Variants in IL18R1 observed in about 807,000 individuals in gnomAD.
IL18R1 encodes interleukin-18 receptor 1.
Under a neutral mutation model 48.5 loss-of-function variants are expected in IL18R1, and 40 were observed. The observed-to-expected ratio is 0.82, with a 90% CI of 0.64 to 1.07. IL18R1 has a LOEUF of 1.07. IL18R1 is among the 50% of genes least tolerant of loss of function. IL18R1 has a pLI of 0.00. For missense variants in IL18R1, 596 were observed against 633.7 expected, an observed-to-expected ratio of 0.94 and a Z score of 0.64; for synonymous variants, 232 against 225.9, an observed-to-expected ratio of 1.03 and a Z score of -0.24.
chr2:102,389,069 C>T (rs989779396), intron 8 of IL18R1, among the ~76,000 whole-genome samples: 1 of 152,040 alleles, frequency 6.6e-6, no homozygotes. Flanking sequence ...CAAGGTTACA[C>T]ATTTATATAA....
At position 102,367,950 on chromosome 2, in the gene IL18R1, T is replaced by C; in HGVS notation, c.184T>C (p.Ser62Pro). 1 of 1,614,240 alleles carries C rather than the reference T, an allele frequency of 6.2e-7. No homozygotes were observed. The highest frequency in any genetic ancestry group is 8.5e-7 in the Non-Finnish European group (1 of 1,180,044). ...CAAAAGCTGGTACAAAAGCAGTGGA[T>C]CACAGGAACATGTGGAGCTGAACCC... ...TTKSWYKSSG[S>P]QEHVELNPRS... The change falls in exon 3 of 11, where the codon TCA becomes CCA. Residue 62 changes from serine (S) to proline (P), a missense_variant. Physicochemically the swap from Ser to Pro is moderately conservative, Grantham distance 74. This residue lies in a region of IL18R1 where 360 missense variants were observed against 339.4 expected (regional missense o/e 1.06). Coordinates refer to ENST00000233957, the MANE Select transcript of IL18R1 (RefSeq NM_003855.5).
At chr2:102,392,807 A>G (rs1296818610) in intron 9 of IL18R1, among the ~76,000 whole-genome samples, 5 of 151,614 alleles carry the variant, frequency 3.3e-5, no homozygotes, top group Non-Finnish European at 2.9e-5. Context: ...TTTCCTTTAT[A>G]ATTTTCCTTT....
chr2:102,392,105 AAC>A (rs1384652887), intron 9 of IL18R1, among the ~76,000 whole-genome samples: 11 of 152,344 alleles, frequency 7.2e-5, no homozygotes, highest in African/African-American at 2.6e-4. Flanking sequence ...TCATAAGCAA[AAC>A]AGCCTTCTTA....
rs914822968 is a variant in IL18R1 at position 102,381,791 on chromosome 2, T to G, written c.688+109T>G. ...AATGACACTGGATACACATTTCATATTTACTGAATAACATTACAAAACTAA... is the reference window on the plus strand; with the variant it reads ...AATGACACTGGATACACATTTCATAGTTACTGAATAACATTACAAAACTAA... On this transcript the variant is annotated intron_variant, in intron 6 of 10. Coordinates refer to ENST00000233957, the MANE Select transcript of IL18R1 (RefSeq NM_003855.5). The G allele has an allele frequency of 2.5e-5, 19 of 745,276 alleles. No individual in the cohort carries two copies. The Admixed American group carries it at 4.5e-4, about 18-fold the overall frequency. The allele number at this position is 745,276 out of a possible 1,614,324, so 46.2% of individuals were successfully genotyped here.
chr2:102,369,172 G>T (rs1359241120), intron 3 of IL18R1, among the ~76,000 whole-genome samples: 1 of 105,726 alleles, frequency 9.5e-6, no homozygotes, highest in Admixed American at 8.6e-5. Context: ...AAAGGAAAAA[G>T]AACAACAAAC....
At position 102,397,410 on chromosome 2, in the gene IL18R1, GC is replaced by G. The variant is rs1351369678; in HGVS notation, c.*525del. ...GGGGCTGGCAGGGCCGCCTTCAGAG[GC>G]TGCAGGGCCTCAGCCTCAGGATGCA... On this transcript the variant is annotated 3_prime_UTR_variant, in exon 11 of 11. Transcript: ENST00000233957. 2 of 153,178 alleles carry G rather than the reference GC, an allele frequency of 1.3e-5. No homozygotes were observed. The highest frequency in any genetic ancestry group is 4.8e-5 in the African/African-American group (2 of 41,466). 9.5% of individuals were successfully genotyped at this position (153,178 alleles called of 1,614,324 possible).
At chr2:102,357,568 G>C (rs1444748585) in intron 1 of IL18R1, among the ~76,000 whole-genome samples, 3 of 152,164 alleles carry the variant, frequency 2.0e-5, no homozygotes, top group Non-Finnish European at 4.4e-5. Flanking sequence ...GCTAGTCCAG[G>C]AGTGATGGAA....
At chr2:102,390,949 A>AAAAAAAAAAAAAAAG (rs1452152750) in intron 9 of IL18R1, among the ~76,000 whole-genome samples, 1 of 150,866 alleles carries the variant, frequency 6.6e-6, no homozygotes, top group African/African-American at 2.4e-5. Context: ...AAAAAAAAAA[A>AAAAAAAAAAAAAAAG]AGAGAGAGAA....
intron 3 of IL18R1, 117 bp from the exon 4 acceptor site, chr2:102,371,836 C>T (rs2105062139): frequency 1.6e-6 from 1 of 632,410 alleles, no homozygotes; most frequent in East Asian, 2.9e-5. Context: ...ATCAATGAAT[C>T]AATCTCTTTA....
intron 7 of IL18R1, among the ~76,000 whole-genome samples, chr2:102,385,996 T>G (rs1231060911): frequency 6.6e-6 from 1 of 152,250 alleles, no homozygotes; most frequent in Non-Finnish European, 1.5e-5. Flanking sequence ...GTCCTCTCAA[T>G]GGCCTCCTGT....
chr2:102,359,742 T>C (rs532441571), intron 1 of IL18R1, among the ~76,000 whole-genome samples: 1 of 152,380 alleles, frequency 6.6e-6, no homozygotes, highest in South Asian at 2.1e-4. Flanking sequence ...ACTTCTGGAA[T>C]GCAGTTTGTC....
chr2:102,387,405 T>C (rs1004633989), intron 8 of IL18R1, among the ~76,000 whole-genome samples: 14 of 152,308 alleles, frequency 9.2e-5, no homozygotes, highest in African/African-American at 3.4e-4. Flanking sequence ...CCAGCCTGCC[T>C]CAGCAGGGTA....
At chr2:102,388,889 CA>C (rs1331579678) in intron 8 of IL18R1, among the ~76,000 whole-genome samples, 1 of 152,068 alleles carries the variant, frequency 6.6e-6, no homozygotes, top group Non-Finnish European at 1.5e-5. Context: ...ACCAAGATGG[CA>C]AAAGTTTTAA....
intron 9 of IL18R1, among the ~76,000 whole-genome samples, chr2:102,391,032 A>G (rs777251434): frequency 1.3e-5 from 2 of 151,600 alleles, no homozygotes; most frequent in Non-Finnish European, 1.5e-5. Context: ...ATCTGCTACT[A>G]TGTCGACCCG....
In IL18R1 at chr2:102,396,956, A is replaced by G; in HGVS notation, c.*70A>G. The G allele has an allele frequency of 1.1e-6, 1 of 892,460 alleles. No homozygotes were observed. The highest frequency in any genetic ancestry group is 1.7e-6 in the Non-Finnish European group (1 of 579,038). The allele number at this position is 892,460 out of a possible 1,614,324, so 55.3% of individuals were successfully genotyped here. On this transcript the variant is annotated 3_prime_UTR_variant, in exon 11 of 11. Transcript: ENST00000233957. ...GGACTGAGCATATGAACCTGTTCAT[A>G]ACAAAGGCTGTGACTCGAAATAATT... is the stretch of plus-strand genomic sequence containing the variant.
At chr2:102,366,603 T>C (rs908861359) in intron 2 of IL18R1, among the ~76,000 whole-genome samples, 2 of 152,204 alleles carry the variant, frequency 1.3e-5, no homozygotes, top group African/African-American at 4.8e-5. Context: ...CCAATTTACT[T>C]TATTAGTCCA....
chr2:102,382,189 C>T (rs1013027653), intron 6 of IL18R1, among the ~76,000 whole-genome samples: 1 of 152,110 alleles, frequency 6.6e-6, no homozygotes. Context: ...AGGAGAATCT[C>T]TTGAACCCAG....
At chr2:102,389,307 A>G (rs1680425999) in intron 8 of IL18R1, among the ~76,000 whole-genome samples, 5 of 152,222 alleles carry the variant, frequency 3.3e-5, no homozygotes, top group Admixed American at 6.5e-5. Context: ...ATATTCTATC[A>G]TGTTAACACA....
intron 8 of IL18R1, among the ~76,000 whole-genome samples, chr2:102,387,951 C>A (rs1680335074): frequency 6.6e-6 from 1 of 151,616 alleles, no homozygotes; most frequent in Non-Finnish European, 1.5e-5. Context: ...GACAGAGGAA[C>A]AGAGAAAGAG....
Sources: allele counts gnomAD v4.1 joint callset (sites outside exome capture counted in the v4.1 genomes callset), GRCh38; gene constraint gnomAD v4.1.1; regional missense constraint gnomAD v4.1.1; transcripts MANE v1.5; gene names NCBI Gene and HGNC (gene_info 2026-07-23, HGNC 2026-07-21).